Variants in TAS2R1 observed in about 807,000 individuals in gnomAD.
The protein encoded by TAS2R1 is taste receptor type 2 member 1.
For missense variants in TAS2R1, 370 were observed against 353.4 expected, an observed-to-expected ratio of 1.05 and a Z score of -0.38; for synonymous variants, 141 against 134.2, an observed-to-expected ratio of 1.05 and a Z score of -0.35.
the TAS2R1 span, among the ~76,000 whole-genome samples, chr5:9,750,458 C>T: frequency 1.3e-5 from 2 of 152,258 alleles, no homozygotes; most frequent in African/African-American, 2.4e-5. Context: ...TTGAAATCAT[C>T]GACCAGAATT....
Position 9,629,785 on chromosome 5 carries a change from G to A in TAS2R1, c.248C>T (p.Ala83Val). The change falls in exon 1 of 1, where the codon GCA (alanine) becomes GTA (valine). Residue 83 changes from alanine (A) to valine (V), a missense_variant. Physicochemically the swap from Ala to Val is moderately conservative, Grantham distance 64. Coordinates refer to ENST00000382492, the MANE Select transcript of TAS2R1 (RefSeq NM_019599.3). Reference protein sequence around the residue: ...IEFIMCSANCAILLFINELEL... With the variant: ...IEFIMCSANCVILLFINELEL... ...CAATTCATTTATAAATAAGAGAATT[G>A]CACAATTCGCAGAACACATGATGAA... 1 of 1,613,752 alleles carries A rather than the reference G, an allele frequency of 6.2e-7. No individual in the cohort carries two copies. The highest frequency in any genetic ancestry group is 8.5e-7 in the Non-Finnish European group (1 of 1,179,848).
chr5:9,892,806 C>G, the TAS2R1 span, among the ~76,000 whole-genome samples: 1 of 152,124 alleles, frequency 6.6e-6, no homozygotes, highest in Non-Finnish European at 1.5e-5. Context: ...AAGAGTATTA[C>G]ACTCAAAACA....
chr5:9,886,421 A>G, the TAS2R1 span, among the ~76,000 whole-genome samples: 1 of 137,926 alleles, frequency 7.3e-6, no homozygotes, highest in African/African-American at 2.7e-5. Flanking sequence ...TGCAAACTCC[A>G]CCTCTGGGGT....
At chr5:9,790,507 A>G in the TAS2R1 span, among the ~76,000 whole-genome samples, 2 of 152,250 alleles carry the variant, frequency 1.3e-5, no homozygotes, top group South Asian at 2.1e-4. Flanking sequence ...AGCATAAATC[A>G]TCATCATTTG....
chr5:9,761,489 A>C, the TAS2R1 span, among the ~76,000 whole-genome samples: 1 of 152,328 alleles, frequency 6.6e-6, no homozygotes, highest in East Asian at 1.9e-4. Flanking sequence ...ATAAAATAAA[A>C]GACTTAAATC....
At chr5:9,897,777 G>C in the TAS2R1 span, among the ~76,000 whole-genome samples, 2 of 152,168 alleles carry the variant, frequency 1.3e-5, no homozygotes, top group African/African-American at 4.8e-5. Flanking sequence ...AGACTAAGCA[G>C]TTCAAAATGT....
chr5:9,799,694 GAGAA>G, the TAS2R1 span, among the ~76,000 whole-genome samples: 35 of 152,254 alleles, frequency 2.3e-4, 2 homozygotes, highest in Admixed American at 2.0e-3. Flanking sequence ...ACAAGAAGAA[GAGAA>G]AGAAAGAAAC....
the TAS2R1 span, among the ~76,000 whole-genome samples, chr5:9,761,679 CT>C: frequency 1.8e-3 from 267 of 152,298 alleles, 1 homozygote; most frequent in African/African-American, 6.2e-3. Context: ...ATCCAGCAGG[CT>C]ATGATCCTCT....
intron 1 of TAS2R1, among the ~76,000 whole-genome samples, chr5:9,671,031 A>T (rs572557454): frequency 1.8e-3 from 281 of 152,328 alleles, no homozygotes; most frequent in Non-Finnish European, 3.0e-3. Context: ...ACAGAACTAC[A>T]AACAAAAAGC....
At chr5:9,821,815 A>G in the TAS2R1 span, among the ~76,000 whole-genome samples, 1 of 152,236 alleles carries the variant, frequency 6.6e-6, no homozygotes, top group Non-Finnish European at 1.5e-5. Context: ...AGACAAAAAC[A>G]ACACTTTCAC....
At chr5:9,817,730 C>T in the TAS2R1 span, among the ~76,000 whole-genome samples, 1 of 152,124 alleles carries the variant, frequency 6.6e-6, no homozygotes. Flanking sequence ...AAAGACACTA[C>T]CTGAAACTGG....
chr5:9,843,122 C>T, the TAS2R1 span, among the ~76,000 whole-genome samples: 4 of 152,140 alleles, frequency 2.6e-5, no homozygotes, highest in East Asian at 5.8e-4. Flanking sequence ...CTCTCACTTA[C>T]TGTAAATTCT....
the TAS2R1 span, among the ~76,000 whole-genome samples, chr5:9,747,679 G>A: frequency 6.6e-6 from 1 of 152,042 alleles, no homozygotes; most frequent in Admixed American, 6.6e-5. Flanking sequence ...AAATTTCAAC[G>A]TGCAGCATAA....
At chr5:9,865,227 A>G in the TAS2R1 span, among the ~76,000 whole-genome samples, 2 of 152,182 alleles carry the variant, frequency 1.3e-5, no homozygotes, top group African/African-American at 4.8e-5. Context: ...GTATGAATGA[A>G]GGAATGGAGA....
chr5:9,705,772 G>C (rs1397807022), intron 1 of TAS2R1, among the ~76,000 whole-genome samples: 1 of 152,154 alleles, frequency 6.6e-6, no homozygotes, highest in African/African-American at 2.4e-5. Flanking sequence ...AGGCAGGAGA[G>C]AATTGCTTGA....
rs140835906 is a variant in TAS2R1, at chr5:9,705,859, TC to T, written c.-242+6312del. On this transcript the variant is annotated intron_variant, in intron 1 of 2. Coordinates refer to the TAS2R1 transcript ENST00000506620. The stretch of plus-strand genomic sequence containing the variant: ...CCTGGGAGACAAGAGTGAAACTCCA[TC>T]CCCCCCCAAAAAAAGACTTTTAGTG... Among the ~76,000 whole-genome samples, 1,365 of 150,860 alleles carry T rather than the reference TC, an allele frequency of 9.0e-3. 11 individuals are homozygous for T. Among genetic ancestry groups the T allele is most frequent in the Non-Finnish European group, 0.014 (974 of 67,670 alleles).
chr5:9,735,490 T>C, the TAS2R1 span, among the ~76,000 whole-genome samples: 2,165 of 151,536 alleles, frequency 0.014, 40 homozygotes, highest in Non-Finnish European at 0.022. Flanking sequence ...CCCTACCATG[T>C]ATTTACTATG....
intron 2 of TAS2R1, among the ~76,000 whole-genome samples, chr5:9,645,374 C>T (rs1740166682): frequency 6.6e-6 from 1 of 152,150 alleles, no homozygotes; most frequent in South Asian, 2.1e-4. Context: ...GCTATGCGTG[C>T]ATTTAGCCAT....
chr5:9,774,780 CCAGA>C, the TAS2R1 span, among the ~76,000 whole-genome samples: 1 of 152,244 alleles, frequency 6.6e-6, no homozygotes, highest in Non-Finnish European at 1.5e-5. Context: ...CTAACTTCCA[CCAGA>C]CAAAGTCTCT....
Sources: gnomAD v4.1 joint callset for allele counts (sites outside exome capture counted in the v4.1 genomes callset) on GRCh38, gnomAD v4.1.1 for gene constraint, MANE v1.5 for transcripts, NCBI Gene and HGNC (gene_info 2026-07-23, HGNC 2026-07-21) for gene names.